The following KMT2A variants were observed in gnomAD, a reference collection of about 807,000 sequenced individuals.
KMT2A encodes the protein lysine methyltransferase 2A.
In KMT2A, 16 loss-of-function variants were observed where a neutral mutation model predicts 345.3. The ratio of observed to expected loss-of-function variants is 0.05; its 90% confidence interval spans 0.03 to 0.07. KMT2A has a LOEUF of 0.07. KMT2A is among the 10% of genes least tolerant of loss of function. The probability of loss-of-function intolerance (pLI) is 1.00; values close to 1 mark genes in which losing one functional copy is unlikely to be tolerated. For missense variants in KMT2A, 3,272 were observed against 4,841.6 expected (o/e 0.68, Z 9.62); for synonymous variants, 1,599 against 1,778.6 (o/e 0.90, Z 2.54).
Position 118,495,358 on chromosome 11 carries a change from A to G in KMT2A, c.5364-342A>G, listed in dbSNP as rs1183841690. Among the ~76,000 whole-genome samples the G allele has an allele frequency of 6.6e-6, 1 of 151,760 alleles. No individual in the cohort carries two copies. The highest frequency in any genetic ancestry group is 1.5e-5 in the Non-Finnish European group (1 of 67,906). ...ATTTTAATAGAGACTGGGTTTCACC[A>G]TTTTGGCCAGGATGGTCTTGATCTC... On this transcript the variant is annotated intron_variant, in intron 18 of 35. Coordinates refer to ENST00000534358, the MANE Select transcript of KMT2A (RefSeq NM_001197104.2). This position sits in a 1 kb window ranked among gnomAD's most constrained non-coding sequence, Gnocchi z 4.1.
rs1310280736 is a variant in KMT2A at position 118,436,961 on chromosome 11, C to A, written c.432+17C>A. On this transcript the variant is annotated intron_variant, in intron 1 of 35. Coordinates refer to ENST00000534358, the MANE Select transcript of KMT2A (RefSeq NM_001197104.2). The surrounding 1 kb of genome is among the most constrained non-coding windows in gnomAD (Gnocchi z 6.9). ...AGCGGAGAGGTAAGGGGGCGAGGAA[C>A]CCCCAGGTCCGGGGTCTCGACCCTC... 6.9e-7 allele frequency: 1 copy of A among 1,448,142 alleles called. No individual in the cohort carries two copies. The highest frequency in any genetic ancestry group is 9.2e-7 in the Non-Finnish European group (1 of 1,091,032). The allele number at this position is 1,448,142 out of a possible 1,614,324, so 89.7% of individuals were successfully genotyped here.
chr11:118,456,013 T>A (rs1949635394), intron 1 of KMT2A, among the ~76,000 whole-genome samples: 1 of 151,980 alleles, frequency 6.6e-6, no homozygotes, highest in Non-Finnish European at 1.5e-5. Flanking sequence ...AATACATTTT[T>A]AATTTTTTTT....
Position 118,473,376 on chromosome 11 carries a change from A to C in KMT2A, c.2217A>C (p.Lys739Asn). ...SGVSNRKRKR[K>N]VFSPIRSEPR... ...TATCCAATAGAAAAAGGAAAAGAAA[A>C]GTGTTTAGTCCTATTCGATCTGAAC... The change falls in exon 3 of 36, where the codon AAA (lysine) becomes AAC (asparagine). Residue 739 changes from lysine to asparagine, a missense_variant. Transcript: ENST00000534358. This position sits in a 1 kb window ranked among gnomAD's most constrained non-coding sequence, Gnocchi z 5.2. The C allele has an allele frequency of 6.2e-7, 1 of 1,614,044 alleles. No individual in the cohort carries two copies. Among genetic ancestry groups the C allele is most frequent in the Non-Finnish European group, 8.5e-7 (1 of 1,179,980 alleles).
rs1950567988 is a variant in KMT2A at position 118,505,613 on chromosome 11, A to G, written c.9721A>G (p.Ser3241Gly). The change falls in exon 27 of 36, where the codon AGT becomes GGT. Residue 3241 changes from serine to glycine, a missense_variant. Coordinates refer to ENST00000534358, the MANE Select transcript of KMT2A (RefSeq NM_001197104.2). The surrounding 1 kb of genome is among the most constrained non-coding windows in gnomAD (Gnocchi z 4.6). ...TRKNKKLAPS[S>G]TPSNIAPSDV... ...AAAGAATAAAAAACTTGCTCCCTCT[A>G]GTACCCCTTCAAACATTGCCCCTTC... 1 of 1,614,070 alleles carries G rather than the reference A, an allele frequency of 6.2e-7. No individual in the cohort carries two copies. The highest frequency in any genetic ancestry group is 1.1e-5 in the South Asian group (1 of 91,086).
rs1417830042 is a variant in KMT2A, at chr11:118,524,637, A to C, written c.*2465A>C. 1 of 179,584 alleles carries C rather than the reference A, an allele frequency of 5.6e-6. No homozygotes were observed. Among genetic ancestry groups the C allele is most frequent in the African/African-American group, 2.4e-5 (1 of 42,148 alleles). The allele number at this position is 179,584 out of a possible 1,614,324, so 11.1% of individuals were successfully genotyped here. On this transcript the variant is annotated 3_prime_UTR_variant, in exon 36 of 36. Coordinates refer to ENST00000534358, the MANE Select transcript of KMT2A (RefSeq NM_001197104.2). ...ATGCAGTGGCCCTAGGGGTTCCACT[A>C]GTGTCTGCTTTCCTTTATTATTGCA...
At chr11:118,445,235 A>G (rs1949394547) in intron 1 of KMT2A, among the ~76,000 whole-genome samples, 1 of 152,216 alleles carries the variant, frequency 6.6e-6, no homozygotes, top group Admixed American at 6.5e-5. Context: ...CCGTCTTGGT[A>G]ACAACATTAG....
rs1000317429 is a variant in KMT2A, at chr11:118,511,836, G to A, written c.11072-115G>A. 20 of 813,708 alleles carry A rather than the reference G, an allele frequency of 2.5e-5. No homozygotes were observed. In the African/African-American group the frequency reaches 3.2e-4, roughly 13 times the overall value. 50.4% of individuals were successfully genotyped at this position (813,708 alleles called of 1,614,324 possible). ...GAAAAATAACAAAACACTGCTCTAG[G>A]AGGGCAAGTGTTCACACTGTAGGGA... On this transcript the variant is annotated intron_variant, in intron 30 of 35. Coordinates refer to ENST00000534358, the MANE Select transcript of KMT2A (RefSeq NM_001197104.2).
intron 1 of KMT2A, among the ~76,000 whole-genome samples, chr11:118,446,043 G>C (rs1440545176): frequency 6.6e-6 from 1 of 151,906 alleles, no homozygotes; most frequent in Non-Finnish European, 1.5e-5. Flanking sequence ...CAGTTTTGCT[G>C]TACTCTCTTT....
rs1555048000 is a variant in KMT2A at position 118,505,800 on chromosome 11, C to T, written c.9908C>T (p.Pro3303Leu). 1 of 1,614,110 alleles carries T rather than the reference C, an allele frequency of 6.2e-7. No homozygotes were observed. The highest frequency in any genetic ancestry group is 1.7e-5 in the Admixed American group (1 of 60,024). The change falls in exon 27 of 36, where the codon CCC (proline) becomes CTC (leucine). Residue 3303 changes from proline to leucine, a missense_variant. Pro to Leu is a moderately conservative substitution (Grantham distance 98). Around this residue, in one of 27 missense-constraint regions of KMT2A, gnomAD observed 748 missense variants for 922.2 expected, o/e 0.81. Transcript: ENST00000534358. This position sits in a 1 kb window ranked among gnomAD's most constrained non-coding sequence, Gnocchi z 4.6. ...AGCATCATGTATTTTGAACCGGCAC[C>T]CCTGTTACCACAGAGTGTGGGAGGA... Reference protein sequence around the residue: ...KSSIMYFEPAPLLPQSVGGTA... With the variant: ...KSSIMYFEPALLLPQSVGGTA...
chr11:118,482,544 T>C, intron 8 of KMT2A, 49 bp downstream of exon 8: 1 of 1,361,912 alleles, frequency 7.3e-7, no homozygotes, highest in Non-Finnish European at 1.0e-6. Flanking sequence ...GTATTCTATT[T>C]TGTAGGGAAA....
chr11:118,441,846 T>C (rs1161668994), intron 1 of KMT2A, among the ~76,000 whole-genome samples: 5 of 152,232 alleles, frequency 3.3e-5, no homozygotes, highest in African/African-American at 1.2e-4. Context: ...CATCTTCTTA[T>C]TGGAAGTTGA....
intron 6 of KMT2A, among the ~76,000 whole-genome samples, chr11:118,481,223 A>G (rs782587358): frequency 6.6e-6 from 1 of 152,010 alleles, no homozygotes; most frequent in Non-Finnish European, 1.5e-5. Flanking sequence ...CCCATTAACC[A>G]TCCCCACTTT....
At position 118,484,744 on chromosome 11, in the gene KMT2A, T is replaced by C. The variant is rs1206732478; in HGVS notation, c.4219-118T>C. 8.3e-6 allele frequency: 6 copies of C among 723,258 alleles called. No individual in the cohort carries two copies. The highest frequency in any genetic ancestry group is 3.4e-4 in the Middle Eastern group (1 of 2,962). The allele number at this position is 723,258 out of a possible 1,614,324, so 44.8% of individuals were successfully genotyped here. Reference sequence around the variant, plus strand: ...AAAGCAGCAGTTATTTTTGGACTCATTGAAATGAAATACTCTGACATTGTG... The same window carrying C: ...AAAGCAGCAGTTATTTTTGGACTCACTGAAATGAAATACTCTGACATTGTG... On this transcript the variant is annotated intron_variant, in intron 9 of 35. Coordinates refer to ENST00000534358, the MANE Select transcript of KMT2A (RefSeq NM_001197104.2). This position sits in a 1 kb window ranked among gnomAD's most constrained non-coding sequence, Gnocchi z 4.1.
In KMT2A at chr11:118,472,389, C is replaced by T. The variant is rs1555035873; in HGVS notation, c.1230C>T (p.Ile410=). Residue 410 remains isoleucine, a synonymous_variant, in exon 3 of 36, where the codon ATC becomes ATT. Coordinates refer to ENST00000534358, the MANE Select transcript of KMT2A (RefSeq NM_001197104.2). ...KTQVKNIRQF[I]MPVVSAISSR... The stretch of plus-strand genomic sequence containing the variant: ...AGGTCAAAAATATTCGACAGTTCAT[C>T]ATGCCTGTTGTCAGTGCTATCTCCT... The T allele has an allele frequency of 1.9e-6, 3 of 1,614,046 alleles. No individual in the cohort carries two copies. Among genetic ancestry groups the T allele is most frequent in the Non-Finnish European group, 2.5e-6 (3 of 1,180,004 alleles).
intron 2 of KMT2A, among the ~76,000 whole-genome samples, chr11:118,470,152 T>C (rs1949918776): frequency 1.3e-5 from 2 of 152,226 alleles, no homozygotes; most frequent in Non-Finnish European, 2.9e-5. Context: ...GTTCTGCTGC[T>C]TCTACTTATC....
rs1284633771 is a variant in KMT2A at position 118,524,978 on chromosome 11, T to C, written c.*2806T>C. On this transcript the variant is annotated 3_prime_UTR_variant, in exon 36 of 36. Coordinates refer to ENST00000534358, the MANE Select transcript of KMT2A (RefSeq NM_001197104.2). ...TTTGCCTTGCCTTTCCACCCCCTAATTGTCAACCACAAAAATGAGAAATTC... is the reference window on the plus strand; with the variant it reads ...TTTGCCTTGCCTTTCCACCCCCTAACTGTCAACCACAAAAATGAGAAATTC... 6.6e-5 allele frequency: 14 copies of C among 210,810 alleles called. No homozygotes were observed. The highest frequency in any genetic ancestry group is 2.7e-4 in the African/African-American group (12 of 44,142). The allele number at this position is 210,810 out of a possible 1,614,324, so 13.1% of individuals were successfully genotyped here.
chr11:118,522,390 T>G lies in KMT2A; in HGVS notation c.*218T>G, dbSNP rs1950989773. 1.8e-6 allele frequency: 1 copy of G among 544,646 alleles called. No individual in the cohort carries two copies. Among genetic ancestry groups the G allele is most frequent in the Non-Finnish European group, 3.2e-6 (1 of 309,030 alleles). The allele number at this position is 544,646 out of a possible 1,614,324, so 33.7% of individuals were successfully genotyped here. A position where few individuals can be genotyped will look rare whatever the true frequency, so the allele number is the denominator to read the frequency against. On this transcript the variant is annotated 3_prime_UTR_variant, in exon 36 of 36. Transcript: ENST00000534358. This position sits in a 1 kb window ranked among gnomAD's most constrained non-coding sequence, Gnocchi z 5.4. ...CTCGAAGAAAAGATCCATGATCGGCTTTCTCCTGGGGCCCCTCCAATTGTT... is the reference window on the plus strand; with the variant it reads ...CTCGAAGAAAAGATCCATGATCGGCGTTCTCCTGGGGCCCCTCCAATTGTT...
Position 118,473,162 on chromosome 11 carries a change from C to T in KMT2A, c.2003C>T (p.Ser668Phe). Residue 668 changes from serine to phenylalanine, a missense_variant, in exon 3 of 36, where the codon TCT (serine) becomes TTT (phenylalanine). By Grantham distance (155) the Ser-to-Phe change is radical (BLOSUM62 -2). Around this residue, in one of 27 missense-constraint regions of KMT2A, gnomAD observed 114 missense variants for 203.2 expected, o/e 0.56. Coordinates refer to ENST00000534358, the MANE Select transcript of KMT2A (RefSeq NM_001197104.2). This position sits in a 1 kb window ranked among gnomAD's most constrained non-coding sequence, Gnocchi z 5.2. Reference protein sequence around the residue: ...PEDVGFASGFSASGTAASARL... With the variant: ...PEDVGFASGFFASGTAASARL... ...GACGTTGGCTTTGCATCTGGTTTTT[C>T]TGCATCTGGTACCGCTGCTTCAGCC... is the stretch of plus-strand genomic sequence containing the variant. 1 of 1,614,142 alleles carries T rather than the reference C, an allele frequency of 6.2e-7. No individual in the cohort carries two copies. Among genetic ancestry groups the T allele is most frequent in the Non-Finnish European group, 8.5e-7 (1 of 1,180,032 alleles).
At position 118,525,762 on chromosome 11, in the gene KMT2A, G is replaced by A. The variant is rs1041381838; in HGVS notation, c.*3590G>A. The A allele has an allele frequency of 2.6e-5, 6 of 227,040 alleles. No homozygotes were observed. Among genetic ancestry groups the A allele is most frequent in the Non-Finnish European group, 5.2e-5 (6 of 114,664 alleles). 14.1% of individuals were successfully genotyped at this position (227,040 alleles called of 1,614,324 possible). A position where few individuals can be genotyped will look rare whatever the true frequency, so the allele number is the denominator to read the frequency against. Reference sequence around the variant, plus strand: ...AGATGTTAACTTCTAAGTTCGGTTTGGGATTTTTTTTTTTTAATAGAAATC... The same window carrying A: ...AGATGTTAACTTCTAAGTTCGGTTTAGGATTTTTTTTTTTTAATAGAAATC... On this transcript the variant is annotated 3_prime_UTR_variant, in exon 36 of 36. Transcript: ENST00000534358.
Sources: gnomAD v4.1 joint callset for allele counts (sites outside exome capture counted in the v4.1 genomes callset) on GRCh38, gnomAD v4.1.1 for gene constraint, gnomAD v4.1.1 regional missense constraint, Gnocchi (gnomAD v3.1) non-coding constraint, MANE v1.5 for transcripts, NCBI Gene and HGNC (gene_info 2026-07-23, HGNC 2026-07-21) for gene names.